EFNA5: variants seen among roughly 807,000 people sequenced by gnomAD.
The protein encoded by EFNA5 is ephrin A5.
EFNA5 carries 5 observed loss-of-function variants against 22.9 expected under a neutral mutation model. That is an observed-to-expected ratio of 0.22 (90% CI 0.11 to 0.46). The LOEUF (loss-of-function observed/expected upper bound fraction) is 0.46, where lower values mean the gene tolerates loss of function less well. Among genes scored for constraint, EFNA5 ranks in the 20% least tolerant of loss-of-function variants. The pLI is 0.99. For synonymous variants in EFNA5, 113 were observed against 112.2 expected (o/e 1.01, Z -0.04); for missense variants, 237 against 293.3 (o/e 0.81, Z 1.40).
At chr5:107,496,364 A>G (rs1019314044) in intron 1 of EFNA5, among the ~76,000 whole-genome samples, 1 of 151,126 alleles carries the variant, frequency 6.6e-6, no homozygotes, top group Non-Finnish European at 1.5e-5. Flanking sequence ...CAAAAAAACA[A>G]AAAACAACAA....
At chr5:107,466,038 A>G (rs1264482640) in intron 1 of EFNA5, among the ~76,000 whole-genome samples, 1 of 152,146 alleles carries the variant, frequency 6.6e-6, no homozygotes, top group African/African-American at 2.4e-5. Flanking sequence ...AGACTAACTT[A>G]CATCAAGTCA....
At chr5:107,561,881 T>C (rs1223717642) in intron 1 of EFNA5, among the ~76,000 whole-genome samples, 1 of 152,208 alleles carries the variant, frequency 6.6e-6, no homozygotes, top group Non-Finnish European at 1.5e-5. Context: ...TTTACCACTT[T>C]AGACATGCCT....
At chr5:107,407,060 A>T (rs1326818046) in intron 2 of EFNA5, among the ~76,000 whole-genome samples, 1 of 152,232 alleles carries the variant, frequency 6.6e-6, no homozygotes, top group East Asian at 1.9e-4. Flanking sequence ...GTTTTTCTTC[A>T]CATTTGTGCA....
intron 1 of EFNA5, among the ~76,000 whole-genome samples, chr5:107,494,589 G>T (rs530585436): frequency 6.6e-6 from 1 of 152,362 alleles, no homozygotes; most frequent in South Asian, 2.1e-4. Flanking sequence ...CAGGCACACG[G>T]CACGGGACTG....
intron 1 of EFNA5, among the ~76,000 whole-genome samples, chr5:107,596,087 C>T (rs1749467773): frequency 6.6e-6 from 1 of 152,112 alleles, no homozygotes; most frequent in Non-Finnish European, 1.5e-5. Context: ...TAACATTTTA[C>T]TTAATACTAC....
intron 1 of EFNA5, among the ~76,000 whole-genome samples, chr5:107,525,917 C>T (rs1417962371): frequency 2.0e-5 from 3 of 152,110 alleles, no homozygotes; most frequent in Non-Finnish European, 4.4e-5. Context: ...ACTAGGAGGT[C>T]TCTGATTTTC....
chr5:107,646,143 T>C (rs978224411), intron 1 of EFNA5, among the ~76,000 whole-genome samples: 6 of 152,228 alleles, frequency 3.9e-5, no homozygotes, highest in African/African-American at 1.4e-4. Context: ...GTATCTAAGG[T>C]ATAGGAAAAG....
chr5:107,406,622 T>A (rs2112396103), intron 2 of EFNA5, among the ~76,000 whole-genome samples: 1 of 152,318 alleles, frequency 6.6e-6, no homozygotes, highest in South Asian at 2.1e-4. Context: ...CAGCTTCACA[T>A]TCTCTATTCT....
intron 1 of EFNA5, among the ~76,000 whole-genome samples, chr5:107,436,371 C>T (rs79861055): frequency 0.016 from 2,502 of 152,246 alleles, 56 homozygotes; most frequent in African/African-American, 0.058. Flanking sequence ...AAAGAGGCCT[C>T]GGGCATGGAG....
In EFNA5 at chr5:107,529,443, C is replaced by T. The variant is rs1234497844; in HGVS notation, c.126-101934G>A. ...TAGCTCACCATGCCTGCACACTGTC[C>T]AAACTGGATTCTCAGAGGATCTGGC... On this transcript the variant is annotated intron_variant, in intron 1 of 4. Coordinates refer to ENST00000333274, the MANE Select transcript of EFNA5 (RefSeq NM_001962.3). 3.9e-5 allele frequency among the ~76,000 whole-genome samples: 6 copies of T among 152,202 alleles called. No individual in the cohort carries two copies. In the East Asian group the frequency reaches 1.2e-3, roughly 30 times the overall value.
intron 1 of EFNA5, among the ~76,000 whole-genome samples, chr5:107,571,019 C>T (rs1241634685): frequency 6.6e-6 from 1 of 152,202 alleles, no homozygotes; most frequent in African/African-American, 2.4e-5. Context: ...TGCAGTTGCA[C>T]GGGTGCACTC....
chr5:107,540,298 A>G (rs1748017509), intron 1 of EFNA5, among the ~76,000 whole-genome samples: 1 of 152,218 alleles, frequency 6.6e-6, no homozygotes, highest in South Asian at 2.1e-4. Flanking sequence ...ATAATCTAAA[A>G]CCAGATTGAG....
intron 2 of EFNA5, among the ~76,000 whole-genome samples, chr5:107,415,574 G>T (rs1383664325): frequency 1.3e-5 from 2 of 152,182 alleles, no homozygotes; most frequent in East Asian, 3.9e-4. Context: ...TGGGCTCCCT[G>T]ACTCCGGTAA....
intron 1 of EFNA5, among the ~76,000 whole-genome samples, chr5:107,644,003 G>T (rs1750580310): frequency 1.3e-5 from 2 of 152,064 alleles, no homozygotes; most frequent in South Asian, 4.1e-4. Flanking sequence ...GAAAATCAGG[G>T]AGGAAAATGT....
At chr5:107,605,287 C>T (rs79796032) in intron 1 of EFNA5, among the ~76,000 whole-genome samples, 2 of 152,230 alleles carry the variant, frequency 1.3e-5, no homozygotes, top group Non-Finnish European at 2.9e-5. Flanking sequence ...AGAGGATCAG[C>T]TCTCTTGACT....
chr5:107,397,017 C>T (rs974212103), intron 2 of EFNA5, among the ~76,000 whole-genome samples: 4 of 152,098 alleles, frequency 2.6e-5, no homozygotes, highest in South Asian at 2.1e-4. Context: ...CTATAGATCC[C>T]GCACCATGCC....
At chr5:107,576,728 T>C (rs768247524) in intron 1 of EFNA5, among the ~76,000 whole-genome samples, 1 of 152,162 alleles carries the variant, frequency 6.6e-6, no homozygotes, top group African/African-American at 2.4e-5. Flanking sequence ...CCCAAATTAT[T>C]TACTACATGA....
chr5:107,613,039 T>A (rs986271389), intron 1 of EFNA5, among the ~76,000 whole-genome samples: 3 of 151,978 alleles, frequency 2.0e-5, no homozygotes, highest in Non-Finnish European at 4.4e-5. Flanking sequence ...CACAGAAAAC[T>A]AAAGATAATT....
At chr5:107,459,649 C>A (rs929948060) in intron 1 of EFNA5, among the ~76,000 whole-genome samples, 1 of 152,082 alleles carries the variant, frequency 6.6e-6, no homozygotes, top group South Asian at 2.1e-4. Flanking sequence ...AAATTGAAGA[C>A]CCTGTGAGAG....
Sources: gnomAD v4.1 joint callset for allele counts (sites outside exome capture counted in the v4.1 genomes callset) on GRCh38, gnomAD v4.1.1 for gene constraint, MANE v1.5 for transcripts, NCBI Gene and HGNC (gene_info 2026-07-23, HGNC 2026-07-21) for gene names.